Variants in PDCD2 observed in about 807,000 individuals in gnomAD.
PDCD2 encodes the protein uS5 assembly chaperone PDCD2.
A neutral mutation model predicts 38.1 loss-of-function variants in PDCD2; 38 were observed. The ratio of observed to expected loss-of-function variants is 1.00; its 90% confidence interval spans 0.77 to 1.31. PDCD2 has a LOEUF of 1.31. PDCD2 is among the 50% of genes most tolerant of loss of function. PDCD2 has a pLI of 0.00. For synonymous variants in PDCD2, 205 were observed against 168.9 expected (o/e 1.21, Z -1.66); for missense variants, 473 against 435.7 (o/e 1.09, Z -0.76).
At chr6:170,578,834 A>G (rs1394431215) in intron 5 of PDCD2, 23 bp downstream of exon 5, 1 of 1,356,760 alleles carries the variant, frequency 7.4e-7, no homozygotes, top group Admixed American at 1.7e-5. Context: ...TACACACTAA[A>G]TGGTCCTTAT....
Position 170,576,349 on chromosome 6 carries a change from T to C in PDCD2, c.*1210A>G, listed in dbSNP as rs556998380. On this transcript the variant is annotated 3_prime_UTR_variant, in exon 6 of 6. Transcript: ENST00000541970. ...TTACATTAGCAAGTGATGTTACCTATGAAAACGTGAGGATTTATGGTGGCA... is the reference window on the plus strand; with the variant it reads ...TTACATTAGCAAGTGATGTTACCTACGAAAACGTGAGGATTTATGGTGGCA... The C allele has an allele frequency of 1.3e-5, 2 of 152,368 alleles. No individual in the cohort carries two copies. Among genetic ancestry groups the C allele is most frequent in the South Asian group, 2.1e-4 (1 of 4,834 alleles). The allele number at this position is 152,368 out of a possible 1,614,324, so 9.4% of individuals were successfully genotyped here. A position where few individuals can be genotyped will look rare whatever the true frequency, so the allele number is the denominator to read the frequency against.
rs1170393427 is a variant in PDCD2 at position 170,583,195 on chromosome 6, C to T, written c.527-7G>A. 6.4e-7 allele frequency: 1 copy of T among 1,558,126 alleles called. No individual in the cohort carries two copies. The highest frequency in any genetic ancestry group is 1.1e-5 in the South Asian group (1 of 87,202). On this transcript the variant is annotated splice_polypyrimidine_tract_variant and splice_region_variant and intron_variant, in intron 2 of 5. Transcript: ENST00000541970. Reference sequence around the variant, plus strand: ...ATTATATGGTCCAGATGATCTGAAACAAAAAGGACAGCACTATTAGTAATC... The same window carrying T: ...ATTATATGGTCCAGATGATCTGAAATAAAAAGGACAGCACTATTAGTAATC...
Position 170,577,560 on chromosome 6 carries a change from TAC to T in PDCD2, c.1032_1033del (p.Ter345LysfsTer4). The T allele has an allele frequency of 6.2e-7, 1 of 1,613,554 alleles. No homozygotes were observed. Among genetic ancestry groups the T allele is most frequent in the Non-Finnish European group, 8.5e-7 (1 of 1,179,516 alleles). ...ATTTTTCAAGGCTTTAAGATGCCTTTACGGTGTATCTGTTACATCCTGCTTCC... is the reference window on the plus strand; with the variant it reads ...ATTTTTCAAGGCTTTAAGATGCCTTTGGTGTATCTGTTACATCCTGCTTCC... On this transcript the variant is annotated frameshift_variant and stop_lost, in exon 6 of 6. Transcript: ENST00000541970. LOFTEE classifies it high-confidence loss of function.
At chr6:170,579,738 T>G (rs1179028605) in intron 4 of PDCD2, 2 of 256,966 alleles carry the variant, frequency 7.8e-6, no homozygotes, top group Non-Finnish European at 1.5e-5. Context: ...CTCCCATCCC[T>G]GATGCTTGCT....
At chr6:170,583,466 G>A (rs878906468) in intron 2 of PDCD2, 39 bp downstream of exon 2, 7 of 1,576,598 alleles carry the variant, frequency 4.4e-6, no homozygotes, top group African/African-American at 2.7e-5. Context: ...TGACAAAGGC[G>A]ATGAAACTGA....
rs1779447911 is a variant in PDCD2 at position 170,576,170 on chromosome 6, C to T, written c.*1389G>A. The T allele has an allele frequency of 1.3e-5, 2 of 152,196 alleles. No homozygotes were observed. Among genetic ancestry groups the T allele is most frequent in the African/African-American group, 2.4e-5 (1 of 41,460 alleles). The allele number at this position is 152,196 out of a possible 1,614,324, so 9.4% of individuals were successfully genotyped here. A position where few individuals can be genotyped will look rare whatever the true frequency, so the allele number is the denominator to read the frequency against. ...CTCTAGCTCTTAAGTAGCTGATAAC[C>T]TCCCCATGGGAGAAACTCCATACTG... On this transcript the variant is annotated 3_prime_UTR_variant, in exon 6 of 6. Coordinates refer to ENST00000541970, the MANE Select transcript of PDCD2 (RefSeq NM_002598.4).
At position 170,584,315 on chromosome 6, in the gene PDCD2, G is replaced by C; in HGVS notation, c.267C>G (p.Cys89Trp). 1.3e-6 allele frequency: 2 copies of C among 1,491,338 alleles called. No homozygotes were observed. Among genetic ancestry groups the C allele is most frequent in the South Asian group, 1.3e-5 (1 of 77,736 alleles). 92.4% of individuals were successfully genotyped at this position (1,491,338 alleles called of 1,614,324 possible). A position where few individuals can be genotyped will look rare whatever the true frequency, so the allele number is the denominator to read the frequency against. ...IFLFCCREQP[C>W]CAGLRVFRNQ... is the part of the protein sequence containing the mutation. ...GCGGCTCACCTCGCAGGCCGGCACA[G>C]CACGGCTGCTCGCGGCAGCAGAAGA... The change falls in exon 1 of 6, where the codon TGC (cysteine) becomes TGG (tryptophan). Residue 89 changes from cysteine to tryptophan, a missense_variant. Coordinates refer to ENST00000541970, the MANE Select transcript of PDCD2 (RefSeq NM_002598.4).
intron 3 of PDCD2, chr6:170,582,596 A>G: frequency 3.9e-6 from 5 of 1,282,286 alleles, no homozygotes; most frequent in Non-Finnish European, 5.0e-6. Flanking sequence ...ACTATAATAA[A>G]ATAAGCCTCT....
chr6:170,582,705 T>C, intron 3 of PDCD2: 1 of 1,219,666 alleles, frequency 8.2e-7, no homozygotes, highest in Non-Finnish European at 1.0e-6. Context: ...GAGAAACTTT[T>C]AAGGGGCCCT....
intron 1 of PDCD2, 62 bp downstream of exon 1, chr6:170,584,237 G>T: frequency 7.6e-7 from 1 of 1,319,072 alleles, no homozygotes; most frequent in East Asian, 2.9e-5. Context: ...GGTCGCTCCC[G>T]GAATTAACGC....
intron 3 of PDCD2, chr6:170,582,726 C>G: frequency 8.0e-7 from 1 of 1,242,510 alleles, no homozygotes; most frequent in Non-Finnish European, 1.0e-6. Flanking sequence ...TCTGCGTGCC[C>G]GACACTGTGC....
chr6:170,579,215 T>G, intron 4 of PDCD2: 1 of 463,218 alleles, frequency 2.2e-6, no homozygotes, highest in Non-Finnish European at 3.8e-6. Context: ...CAGATGATGC[T>G]TTTACTACCT....
chr6:170,584,496 C>A lies in PDCD2; in HGVS notation c.86G>T (p.Ser29Ile). 1 of 1,355,286 alleles carries A rather than the reference C, an allele frequency of 7.4e-7. No homozygotes were observed. The highest frequency in any genetic ancestry group is 1.8e-5 in the South Asian group (1 of 54,508). 84.0% of individuals were successfully genotyped at this position (1,355,286 alleles called of 1,614,324 possible). ...AWRLRSEQFP[S>I]KVGGRPAWLG... ...CCATGCCGGCCGCCCGCCCACCTTG[C>A]TGGGGAACTGCTCGCTGCGCAGTCG... The change falls in exon 1 of 6, where the codon AGC becomes ATC. Residue 29 changes from serine to isoleucine, a missense_variant. Transcript: ENST00000541970.
At chr6:170,579,008 C>T in intron 4 of PDCD2, 38 bp from the exon 5 acceptor site, 1 of 1,293,570 alleles carries the variant, frequency 7.7e-7, no homozygotes, top group Non-Finnish European at 1.1e-6. Context: ...TAATCAATAC[C>T]TTACCTATAA....
At chr6:170,579,871 G>A (rs868058826) in intron 4 of PDCD2, 131 bp downstream of exon 4, 1 of 612,006 alleles carries the variant, frequency 1.6e-6, no homozygotes, top group Non-Finnish European at 2.9e-6. Flanking sequence ...CCTCTAACAA[G>A]ATAACAAAAG....
At chr6:170,582,265 CCT>C (rs1463540598) in intron 3 of PDCD2, 2 of 1,475,686 alleles carry the variant, frequency 1.4e-6, no homozygotes, top group Non-Finnish European at 1.8e-6. Flanking sequence ...CCATTATATC[CCT>C]GTTATCAAGC....
At chr6:170,584,235 C>T in intron 1 of PDCD2, 64 bp downstream of exon 1, 2 of 1,316,664 alleles carry the variant, frequency 1.5e-6, no homozygotes, top group African/African-American at 3.0e-5. Flanking sequence ...CTGGTCGCTC[C>T]CGGAATTAAC....
At chr6:170,578,483 A>G in intron 5 of PDCD2, 1 of 612,160 alleles carries the variant, frequency 1.6e-6, no homozygotes. Flanking sequence ...CTCCTCTCAT[A>G]AAGTATATAG....
chr6:170,584,052 T>TA, intron 1 of PDCD2: 1 of 514,420 alleles, frequency 1.9e-6, no homozygotes, highest in East Asian at 3.3e-5. Flanking sequence ...ATTAACACCA[T>TA]ACCTGGTACC....
Sources: gnomAD v4.1 joint callset for allele counts on GRCh38, gnomAD v4.1.1 for gene constraint, MANE v1.5 for transcripts, NCBI Gene and HGNC (gene_info 2026-07-23, HGNC 2026-07-21) for gene names.